Variants in SUGCT observed in about 807,000 individuals in gnomAD.
SUGCT encodes succinyl-CoA:glutarate CoA-transferase.
A neutral mutation model predicts 55.0 loss-of-function variants in SUGCT; 41 were observed. The ratio of observed to expected loss-of-function variants is 0.74; its 90% CI spans 0.58 to 0.97. The LOEUF is 0.97. SUGCT is among the 50% of genes least tolerant of loss of function. The pLI, the probability that SUGCT is intolerant of heterozygous loss-of-function variation, is 0.00. For synonymous variants in SUGCT, 187 were observed against 200.4 expected (o/e 0.93, Z 0.56); for missense variants, 568 against 547.8 (o/e 1.04, Z -0.37).
At chr7:40,666,889 G>A (rs756856100) in intron 12 of SUGCT, among the ~76,000 whole-genome samples, 42 of 152,064 alleles carry the variant, frequency 2.8e-4, no homozygotes, top group Admixed American at 4.6e-4. Flanking sequence ...AGCACTTTGC[G>A]AGGCTGAGCA....
At position 40,377,140 on chromosome 7, in the gene SUGCT, T is replaced by C. The variant is rs935775930; in HGVS notation, c.816+60285T>C. Reference sequence around the variant, plus strand: ...ATTTTCAGCCTTCCTCTTTCTTTCTTTCTTTCTTTCTTTCTTTCTTTCTTT... The same window carrying C: ...ATTTTCAGCCTTCCTCTTTCTTTCTCTCTTTCTTTCTTTCTTTCTTTCTTT... On this transcript the variant is annotated intron_variant, in intron 9 of 13. Coordinates refer to ENST00000335693, the MANE Select transcript of SUGCT (RefSeq NM_001193313.2). Among the ~76,000 whole-genome samples the C allele has an allele frequency of 2.3e-4, 3 of 12,944 alleles. 1 individual carries two copies. The highest frequency in any genetic ancestry group is 3.2e-4 in the Non-Finnish European group (1 of 3,138). The allele number at this position is 12,944 out of a possible 152,430, so 8.5% of individuals were successfully genotyped here.
the SUGCT span, among the ~76,000 whole-genome samples, chr7:41,011,546 C>A: frequency 6.6e-6 from 1 of 152,332 alleles, no homozygotes; most frequent in South Asian, 2.1e-4. Context: ...GACCATACCC[C>A]AGACTTACTA....
intron 13 of SUGCT, among the ~76,000 whole-genome samples, chr7:40,832,124 C>T (rs1439019894): frequency 6.6e-6 from 1 of 152,136 alleles, no homozygotes; most frequent in Non-Finnish European, 1.5e-5. Context: ...GTGGCTGTCC[C>T]TGTGTGCGTC....
At chr7:40,740,002 T>C (rs1049560973) in intron 12 of SUGCT, among the ~76,000 whole-genome samples, 30 of 152,284 alleles carry the variant, frequency 2.0e-4, no homozygotes, top group African/African-American at 6.3e-4. Context: ...TTTGGGAGAA[T>C]TGGGATCTTT....
At chr7:40,289,484 A>G (rs1454752665) in intron 8 of SUGCT, among the ~76,000 whole-genome samples, 1 of 152,350 alleles carries the variant, frequency 6.6e-6, no homozygotes, top group Middle Eastern at 3.4e-3. Flanking sequence ...TCAACAAATT[A>G]GGTATTGATG....
At chr7:40,540,280 T>A (rs1274562529) in intron 12 of SUGCT, among the ~76,000 whole-genome samples, 2 of 152,200 alleles carry the variant, frequency 1.3e-5, no homozygotes, top group Non-Finnish European at 2.9e-5. Context: ...ACCAAGTACT[T>A]TATCATTTCA....
At chr7:40,526,268 T>C (rs922656497) in intron 12 of SUGCT, among the ~76,000 whole-genome samples, 3 of 152,250 alleles carry the variant, frequency 2.0e-5, no homozygotes, top group East Asian at 3.9e-4. Flanking sequence ...TTGGTATATA[T>C]AGGGTTGCCA....
At chr7:40,296,612 CGTGTGTGTGT>C (rs10528858) in intron 8 of SUGCT, among the ~76,000 whole-genome samples, 10,654 of 144,718 alleles carry the variant, frequency 0.074, 832 homozygotes, top group African/African-American at 0.2. Context: ...GTGAGTGACT[CGTGTGTGTGT>C]GTGTGTGTGT....
At chr7:40,554,307 A>G (rs1326995437) in intron 12 of SUGCT, among the ~76,000 whole-genome samples, 3 of 152,338 alleles carry the variant, frequency 2.0e-5, no homozygotes, top group African/African-American at 4.8e-5. Context: ...AAATGTAACA[A>G]CAGATCTGGA....
At position 40,401,464 on chromosome 7, in the gene SUGCT, A is replaced by G. The variant is rs772129404; in HGVS notation, c.817-47823A>G. ...CAAGGAAACATGGAAGTGGAATAGCATGTTAAGAGGCTACTAATTTATTTA... is the reference window on the plus strand; with the variant it reads ...CAAGGAAACATGGAAGTGGAATAGCGTGTTAAGAGGCTACTAATTTATTTA... On this transcript the variant is annotated intron_variant, in intron 9 of 13. Transcript: ENST00000335693. Among the ~76,000 whole-genome samples, 16 of 152,168 alleles carry G rather than the reference A, an allele frequency of 1.1e-4. 1 individual carries two copies. The highest frequency in any genetic ancestry group is 2.2e-4 in the Non-Finnish European group (15 of 68,034).
At chr7:40,811,000 C>T (rs1377028948) in intron 13 of SUGCT, among the ~76,000 whole-genome samples, 1 of 152,224 alleles carries the variant, frequency 6.6e-6, no homozygotes, top group African/African-American at 2.4e-5. Context: ...TATCCCAGTT[C>T]CAGGTATTGA....
the SUGCT span, among the ~76,000 whole-genome samples, chr7:41,025,903 T>C: frequency 6.6e-6 from 1 of 152,200 alleles, no homozygotes; most frequent in Admixed American, 6.5e-5. Flanking sequence ...CCCGTGCAGC[T>C]GATCTCAGGA....
chr7:40,563,395 A>C (rs1371484298), intron 12 of SUGCT, among the ~76,000 whole-genome samples: 2 of 152,142 alleles, frequency 1.3e-5, no homozygotes, highest in African/African-American at 2.4e-5. Context: ...GTTGCCTTCT[A>C]GGAAATGCTA....
the SUGCT span, among the ~76,000 whole-genome samples, chr7:40,889,988 G>A: frequency 6.6e-6 from 1 of 151,924 alleles, no homozygotes; most frequent in Non-Finnish European, 1.5e-5. Context: ...CAAGCTCCAT[G>A]AGGTCAGTCA....
intron 13 of SUGCT, among the ~76,000 whole-genome samples, chr7:40,762,871 G>C (rs1298966326): frequency 6.6e-6 from 1 of 151,182 alleles, no homozygotes; most frequent in African/African-American, 2.4e-5. Flanking sequence ...GCAGTGCACT[G>C]GCATGATCTC....
intron 13 of SUGCT, among the ~76,000 whole-genome samples, chr7:40,787,215 T>C (rs895722699): frequency 6.6e-6 from 1 of 152,106 alleles, no homozygotes; most frequent in African/African-American, 2.4e-5. Context: ...TGGATAAGTT[T>C]TCAAAAATCT....
chr7:40,504,992 G>C (rs2151538153), intron 12 of SUGCT, among the ~76,000 whole-genome samples: 1 of 152,146 alleles, frequency 6.6e-6, no homozygotes, highest in Non-Finnish European at 1.5e-5. Flanking sequence ...ATTGAGTCTT[G>C]TTATGTCCTA....
At chr7:40,837,831 C>T (rs1354403742) in intron 13 of SUGCT, among the ~76,000 whole-genome samples, 1 of 152,150 alleles carries the variant, frequency 6.6e-6, no homozygotes, top group East Asian at 1.9e-4. Flanking sequence ...CCAGGCTGGT[C>T]CCGACCTCCT....
intron 11 of SUGCT, among the ~76,000 whole-genome samples, chr7:40,462,721 T>C (rs1789870721): frequency 6.6e-6 from 1 of 152,192 alleles, no homozygotes; most frequent in South Asian, 2.1e-4. Context: ...GCACTAGGGA[T>C]ATAGCAGTAA....
Sources: allele counts gnomAD v4.1 joint callset (sites outside exome capture counted in the v4.1 genomes callset), GRCh38; gene constraint gnomAD v4.1.1; transcripts MANE v1.5; gene names NCBI Gene and HGNC (gene_info 2026-07-23, HGNC 2026-07-21).